ZNF587B: variants seen among roughly 807,000 people sequenced by gnomAD.
ZNF587B encodes the protein zinc finger protein 587B.
Under a neutral mutation model 7.2 loss-of-function variants are expected in ZNF587B, and 6 were observed. That is an observed-to-expected ratio of 0.83 (90% CI 0.46 to 1.65). ZNF587B has a LOEUF of 1.65. ZNF587B is among the 40% of genes most tolerant of loss of function. The pLI, the probability that ZNF587B is intolerant of heterozygous loss-of-function variation, is 0.01. For missense variants in ZNF587B, 749 were observed against 761.0 expected, an observed-to-expected ratio of 0.98 and a Z score of 0.19; for synonymous variants, 274 against 254.3, an observed-to-expected ratio of 1.08 and a Z score of -0.74.
At chr19:57,831,912 C>T (rs1042556639) in intron 1 of ZNF587B, among the ~76,000 whole-genome samples, 5 of 150,458 alleles carry the variant, frequency 3.3e-5, no homozygotes, top group Non-Finnish European at 7.4e-5. Flanking sequence ...CGCCATGTTG[C>T]CTAGCCTGGT....
Position 57,842,463 on chromosome 19 carries a change from A to C in ZNF587B, c.1789A>C (p.Arg597=). Residue 597 remains arginine, a synonymous_variant, in exon 3 of 3, where the codon AGG becomes CGG. Coordinates refer to ENST00000594901, the MANE Select transcript of ZNF587B (RefSeq NM_001376223.1). The part of the protein sequence containing the change: ...FAGISSLTNH[R]RVHTGEKPYG... ...TGGAATCTCCAGTCTCACTAATCACAGGAGAGTTCACACTGGAGAAAAGCC... is the reference window on the plus strand; with the variant it reads ...TGGAATCTCCAGTCTCACTAATCACCGGAGAGTTCACACTGGAGAAAAGCC... The C allele has an allele frequency of 6.3e-7, 1 of 1,599,130 alleles. No homozygotes were observed.
At chr19:57,837,453 GT>G (rs1472256156) in intron 1 of ZNF587B, among the ~76,000 whole-genome samples, 1 of 146,474 alleles carries the variant, frequency 6.8e-6, no homozygotes, top group Non-Finnish European at 1.5e-5. Context: ...TTTTTTTTTG[GT>G]TTGGTTTTGT....
In ZNF587B at chr19:57,843,563, TTTGGTTGG is replaced by T. The variant is rs1297723265; in HGVS notation, c.*1007_*1014del. ...AGAGATTTTTTTTTTAAGTTTTTTGTTTGGTTGGTTGGTTGGTTGGTTGGTTGTTTTTT... is the reference window on the plus strand; with the variant it reads ...AGAGATTTTTTTTTTAAGTTTTTTGTTTGGTTGGTTGGTTGGTTGTTTTTT... On this transcript the variant is annotated 3_prime_UTR_variant, in exon 3 of 3. Transcript: ENST00000594901. The T allele has an allele frequency of 8.7e-4, 828 of 948,076 alleles. 16 individuals carry two copies. In the African/African-American group the frequency reaches 0.016, roughly 18 times the overall value. The allele number at this position is 948,076 out of a possible 1,614,324, so 58.7% of individuals were successfully genotyped here.
intron 1 of ZNF587B, among the ~76,000 whole-genome samples, chr19:57,831,011 G>C (rs1019606130): frequency 7.2e-5 from 11 of 152,318 alleles, no homozygotes; most frequent in African/African-American, 2.4e-4. Context: ...TCCAGGTGCA[G>C]GGGCTTTAAG....
rs937645563 is a variant in ZNF587B, at chr19:57,842,880, T to C, written c.*304T>C. On this transcript the variant is annotated 3_prime_UTR_variant, in exon 3 of 3. Coordinates refer to ENST00000594901, the MANE Select transcript of ZNF587B (RefSeq NM_001376223.1). Reference sequence around the variant, plus strand: ...CACAGGAGAGCTGTCACTACGGAAATGCCTTTTGAATGTAATGTTTGCAAA... The same window carrying C: ...CACAGGAGAGCTGTCACTACGGAAACGCCTTTTGAATGTAATGTTTGCAAA... The C allele has an allele frequency of 1.0e-6, 1 of 985,338 alleles. No homozygotes were observed. The highest frequency in any genetic ancestry group is 1.2e-6 in the Non-Finnish European group (1 of 829,942). 61.0% of individuals were successfully genotyped at this position (985,338 alleles called of 1,614,324 possible). A position where few individuals can be genotyped will look rare whatever the true frequency, so the allele number is the denominator to read the frequency against.
In ZNF587B at chr19:57,841,525, G is replaced by T. The variant is rs192718342; in HGVS notation, c.851G>T (p.Ser284Ile). The T allele has an allele frequency of 1.9e-6, 3 of 1,583,480 alleles. No homozygotes were observed. The highest frequency in any genetic ancestry group is 2.6e-6 in the Non-Finnish European group (3 of 1,164,158). Residue 284 changes from serine (S) to isoleucine (I), a missense_variant, in exon 3 of 3, where the codon AGC becomes ATC. Ser to Ile is a moderately radical substitution (Grantham distance 142). This residue lies in a region of ZNF587B where 656 missense variants were observed against 596.5 expected (regional missense o/e 1.10). Coordinates refer to ENST00000594901, the MANE Select transcript of ZNF587B (RefSeq NM_001376223.1). ...GAGAAATCTTTTAGTCAAAAGAGCA[G>T]CCTCATTCAACATCAGCAATTTCAC... is the stretch of plus-strand genomic sequence containing the variant. ...ECEKSFSQKS[S>I]LIQHQQFHTG...
At chr19:57,838,325 G>A (rs1026432129) in intron 1 of ZNF587B, among the ~76,000 whole-genome samples, 1 of 151,372 alleles carries the variant, frequency 6.6e-6, no homozygotes, top group Non-Finnish European at 1.5e-5. Flanking sequence ...AATTGTGGCC[G>A]GGCACAGTGG....
At chr19:57,838,300 A>T (rs1282426072) in intron 1 of ZNF587B, among the ~76,000 whole-genome samples, 1 of 150,998 alleles carries the variant, frequency 6.6e-6, no homozygotes, top group Non-Finnish European at 1.5e-5. Context: ...AAAATAAAAA[A>T]AAAAAGATAC....
At chr19:57,837,985 C>T (rs1398692322) in intron 1 of ZNF587B, among the ~76,000 whole-genome samples, 13 of 152,110 alleles carry the variant, frequency 8.5e-5, no homozygotes, top group Non-Finnish European at 1.8e-4. Context: ...TTTCAACCCA[C>T]ACTAGTAGAA....
At chr19:57,835,877 G>A (rs1203453419) in intron 1 of ZNF587B, among the ~76,000 whole-genome samples, 1 of 149,758 alleles carries the variant, frequency 6.7e-6, no homozygotes, top group Non-Finnish European at 1.5e-5. Context: ...TGTGGACTAA[G>A]GTGCGTTAGC....
intron 1 of ZNF587B, among the ~76,000 whole-genome samples, chr19:57,834,888 A>G (rs1463323205): frequency 1.6e-5 from 2 of 125,100 alleles, no homozygotes; most frequent in South Asian, 2.5e-4. Context: ...TAAGGGTATG[A>G]TGGGTGCAGC....
Position 57,838,837 on chromosome 19 carries a change from T to C in ZNF587B, c.37-186T>C, listed in dbSNP as rs1259459184. 3.9e-5 allele frequency among the ~76,000 whole-genome samples: 6 copies of C among 152,158 alleles called. 1 individual carries two copies. The highest frequency in any genetic ancestry group is 3.9e-4 in the East Asian group (2 of 5,188). Reference sequence around the variant, plus strand: ...TGGGTGGACTTTATGTCACAGCCACTGCACAGATACCTATTTGTTCAACTA... The same window carrying C: ...TGGGTGGACTTTATGTCACAGCCACCGCACAGATACCTATTTGTTCAACTA... On this transcript the variant is annotated intron_variant, in intron 1 of 2. Transcript: ENST00000594901.
rs1989044040 is a variant in ZNF587B at position 57,846,081 on chromosome 19, G to T, written c.*3505G>T. On this transcript the variant is annotated 3_prime_UTR_variant, in exon 3 of 3. Transcript: ENST00000594901. ...AAACCATCATCAGAGTCACCATAAT[G>T]AATTTATCTAATCTATCACCTTTGT... is the stretch of plus-strand genomic sequence containing the variant. The T allele has an allele frequency of 6.6e-6, 1 of 152,170 alleles. No homozygotes were observed. Among genetic ancestry groups the T allele is most frequent in the Admixed American group, 6.5e-5 (1 of 15,268 alleles). 9.4% of individuals were successfully genotyped at this position (152,170 alleles called of 1,614,324 possible). A position where few individuals can be genotyped will look rare whatever the true frequency, so the allele number is the denominator to read the frequency against.
chr19:57,841,760 T>C lies in ZNF587B; in HGVS notation c.1086T>C (p.Ser362=). Reference sequence around the variant, plus strand: ...ACAAGTGTGGAGAATGTGAGAAATCTTTTAGTCGGAAGCCCAGCCTTAGTT... The same window carrying C: ...ACAAGTGTGGAGAATGTGAGAAATCCTTTAGTCGGAAGCCCAGCCTTAGTT... The part of the protein sequence containing the change: ...RPYKCGECEK[S]FSRKPSLSYH... The change falls in exon 3 of 3, where the codon TCT becomes TCC. Residue 362 remains serine (S), a synonymous_variant. Transcript: ENST00000594901. 6.2e-7 allele frequency: 1 copy of C among 1,608,754 alleles called. No homozygotes were observed. Among genetic ancestry groups the C allele is most frequent in the East Asian group, 2.2e-5 (1 of 44,698 alleles).
intron 1 of ZNF587B, among the ~76,000 whole-genome samples, chr19:57,834,616 C>T (rs1988534621): frequency 1.0e-5 from 1 of 98,498 alleles, no homozygotes; most frequent in Non-Finnish European, 2.2e-5. Flanking sequence ...GGCGGATCAA[C>T]TGAAGTCAGG....
At chr19:57,840,705 A>T (rs2562051) in intron 2 of ZNF587B, 133 bp from the exon 3 acceptor site, 74 of 1,577,020 alleles carry the variant, frequency 4.7e-5, no homozygotes, top group Non-Finnish European at 6.0e-5. Flanking sequence ...ACCATCTTCC[A>T]TCTGAAGCCA....
Position 57,842,001 on chromosome 19 carries a change from T to C in ZNF587B, c.1327T>C (p.Cys443Arg). The change falls in exon 3 of 3, where the codon TGT (cysteine) becomes CGT (arginine). Residue 443 changes from cysteine to arginine, a missense_variant. Coordinates refer to ENST00000594901, the MANE Select transcript of ZNF587B (RefSeq NM_001376223.1). The part of the protein sequence containing the change: ...TTERPYKCGE[C>R]GKCFSHKGNL... ...AGAAAGACCTTATAAGTGTGGGGAA[T>C]GTGGGAAATGTTTTAGTCACAAGGG... 1 of 1,603,048 alleles carries C rather than the reference T, an allele frequency of 6.2e-7. No individual in the cohort carries two copies. Among genetic ancestry groups the C allele is most frequent in the Non-Finnish European group, 8.5e-7 (1 of 1,174,528 alleles).
chr19:57,831,629 G>A (rs1428715908), intron 1 of ZNF587B, among the ~76,000 whole-genome samples: 1 of 152,130 alleles, frequency 6.6e-6, no homozygotes, highest in African/African-American at 2.4e-5. Context: ...CCTGATCTCA[G>A]GTGATTCACC....
At position 57,841,238 on chromosome 19, in the gene ZNF587B, G is replaced by A. The variant is rs2375152; in HGVS notation, c.564G>A (p.Gln188=). 79 of 1,614,160 alleles carry A rather than the reference G, an allele frequency of 4.9e-5. No individual in the cohort carries two copies. Among genetic ancestry groups the A allele is most frequent in the African/African-American group, 1.5e-4 (11 of 75,030 alleles). Residue 188 remains glutamine (Q), a synonymous_variant, in exon 3 of 3, where the codon CAG becomes CAA. Transcript: ENST00000594901. Reference sequence around the variant, plus strand: ...TGCCCAGGTCAGGATTACTCCAGCAGGAGGCCAGTCACACTGGGGAGAAGT... The same window carrying A: ...TGCCCAGGTCAGGATTACTCCAGCAAGAGGCCAGTCACACTGGGGAGAAGT... ...DFLPRSGLLQ[Q]EASHTGEKSN...
Sources: allele counts gnomAD v4.1 joint callset (sites outside exome capture counted in the v4.1 genomes callset), GRCh38; gene constraint gnomAD v4.1.1; regional missense constraint gnomAD v4.1.1; transcripts MANE v1.5; gene names NCBI Gene and HGNC (gene_info 2026-07-23, HGNC 2026-07-21).